The following LAMA1 variants were observed in gnomAD, a reference collection of about 807,000 sequenced individuals.
LAMA1 encodes the protein laminin subunit alpha 1, also known as laminin subunit alpha-1.
In LAMA1, 219 loss-of-function variants were observed where a neutral mutation model predicts 348.7. That is an observed-to-expected ratio of 0.63 (90% confidence interval 0.56 to 0.70). The LOEUF (loss-of-function observed/expected upper bound fraction) is 0.70. Among genes scored for constraint, LAMA1 ranks in the 30% least tolerant of loss-of-function variants. The pLI is 0.00. For missense variants in LAMA1, 3,744 were observed against 3,888.0 expected, an observed-to-expected ratio of 0.96 and a Z score of 0.99; for synonymous variants, 1,487 against 1,491.0, an observed-to-expected ratio of 1.00 and a Z score of 0.06.
At chr18:6,966,927 T>C (rs969569888) in intron 48 of LAMA1, among the ~76,000 whole-genome samples, 2 of 152,208 alleles carry the variant, frequency 1.3e-5, no homozygotes, top group Non-Finnish European at 2.9e-5. Flanking sequence ...AGCAAAAGGC[T>C]GACTTGACTC....
At chr18:7,006,520 C>A (rs1165488357) in intron 29 of LAMA1, among the ~76,000 whole-genome samples, 1 of 152,172 alleles carries the variant, frequency 6.6e-6, no homozygotes, top group Non-Finnish European at 1.5e-5. Flanking sequence ...GCAACCAGTA[C>A]TGCAATTAAA....
intron 3 of LAMA1, among the ~76,000 whole-genome samples, chr18:7,060,578 A>C (rs1374076798): frequency 6.6e-6 from 1 of 152,218 alleles, no homozygotes; most frequent in Non-Finnish European, 1.5e-5. Flanking sequence ...CTCCCTTCAG[A>C]ACCATGCTGA....
chr18:7,037,594 G>C lies in LAMA1; in HGVS notation c.1721C>G (p.Ala574Gly), dbSNP rs149575964. ...APKYYWAAPE[A>G]YLGNKLTAFG... ...CACACGCACCTTATTTCCAAGGTAGGCCTCGGGGGCTGCCCAGTAGTACTT... is the reference window on the plus strand; with the variant it reads ...CACACGCACCTTATTTCCAAGGTAGCCCTCGGGGGCTGCCCAGTAGTACTT... The change falls in exon 12 of 63, where the codon GCC (alanine) becomes GGC (glycine). Residue 574 changes from alanine to glycine, a missense_variant. By Grantham distance (60) the Ala-to-Gly change is moderately conservative. This residue lies in a region of LAMA1 where 1,529 missense variants were observed against 1,689.4 expected (regional missense o/e 0.91). Coordinates refer to ENST00000389658, the MANE Select transcript of LAMA1 (RefSeq NM_005559.4). 6.2e-7 allele frequency: 1 copy of C among 1,613,982 alleles called. No individual in the cohort carries two copies. The highest frequency in any genetic ancestry group is 1.3e-5 in the African/African-American group (1 of 74,980).
intron 11 of LAMA1, 139 bp downstream of exon 11, chr18:7,038,671 G>A: frequency 1.7e-6 from 2 of 1,172,886 alleles, no homozygotes; most frequent in Non-Finnish European, 2.5e-6. Flanking sequence ...GGCTGCCTTT[G>A]ACCCACGTCA....
rs147153419 is a variant in LAMA1, at chr18:6,974,841, G to A, written c.6623+62C>T. 1.6e-3 allele frequency: 2,552 copies of A among 1,590,496 alleles called. 15 individuals carry two copies. Among genetic ancestry groups the A allele is most frequent in the East Asian group, 0.012 (532 of 44,736 alleles). On this transcript the variant is annotated intron_variant, in intron 46 of 62. Coordinates refer to ENST00000389658, the MANE Select transcript of LAMA1 (RefSeq NM_005559.4). ...GCCTATTATATGATGTTACAAGCAT[G>A]TAATTACTTATGAGACACACTTTAA...
intron 1 of LAMA1, among the ~76,000 whole-genome samples, chr18:7,111,151 G>A (rs1266014520): frequency 6.6e-6 from 1 of 152,062 alleles, no homozygotes; most frequent in Non-Finnish European, 1.5e-5. Flanking sequence ...ACTGCCTGCT[G>A]GGCCAGCAGA....
At chr18:7,099,531 C>T (rs1426467505) in intron 1 of LAMA1, among the ~76,000 whole-genome samples, 2 of 148,600 alleles carry the variant, frequency 1.3e-5, no homozygotes, top group East Asian at 3.9e-4. Flanking sequence ...CCTTACCATA[C>T]ACAAAAGCTA....
intron 48 of LAMA1, among the ~76,000 whole-genome samples, chr18:6,971,221 G>T (rs867773173): frequency 2.7e-5 from 4 of 150,812 alleles, no homozygotes; most frequent in African/African-American, 9.8e-5. Context: ...ATAATGGGTT[G>T]GGGGGGAAGA....
chr18:7,008,988 G>C (rs970011719), intron 27 of LAMA1, among the ~76,000 whole-genome samples: 1 of 151,784 alleles, frequency 6.6e-6, no homozygotes. Flanking sequence ...TGTTTTTTTT[G>C]CATTTTATCT....
In LAMA1 at chr18:6,964,659, T is replaced by A. The variant is rs369875051; in HGVS notation, c.7337+3A>T. On this transcript the variant is annotated splice_donor_region_variant and intron_variant, in intron 51 of 62. Transcript: ENST00000389658. ...GACATGAAAATTCTGCAGTTTAATATACCTTACAACTCTTGACCTTGGTAA... is the reference window on the plus strand; with the variant it reads ...GACATGAAAATTCTGCAGTTTAATAAACCTTACAACTCTTGACCTTGGTAA... 4.2e-5 allele frequency: 67 copies of A among 1,614,058 alleles called. No homozygotes were observed. The highest frequency in any genetic ancestry group is 5.6e-5 in the Non-Finnish European group (66 of 1,180,018).
chr18:7,108,000 C>T (rs1488937379), intron 1 of LAMA1, among the ~76,000 whole-genome samples: 3 of 147,298 alleles, frequency 2.0e-5, no homozygotes, highest in Admixed American at 1.4e-4. Context: ...GGCGACAGAG[C>T]GAGACTCCGT....
At chr18:6,983,603 A>G (rs374953560) in intron 39 of LAMA1, among the ~76,000 whole-genome samples, 88 of 152,290 alleles carry the variant, frequency 5.8e-4, no homozygotes, top group African/African-American at 2.0e-3. Flanking sequence ...TTGGTTATAA[A>G]CTTCCTGCAA....
At position 7,015,838 on chromosome 18, in the gene LAMA1, G is replaced by C; in HGVS notation, c.3010C>G (p.Gln1004Glu). 6.2e-7 allele frequency: 1 copy of C among 1,614,186 alleles called. No homozygotes were observed. The highest frequency in any genetic ancestry group is 8.5e-7 in the Non-Finnish European group (1 of 1,180,038). Residue 1004 changes from glutamine (Q) to glutamate (E), a missense_variant, in exon 22 of 63, where the codon CAG (glutamine) becomes GAG (glutamate). By Grantham distance (29) the Gln-to-Glu change is conservative. Around this residue, in one of 3 missense-constraint regions of LAMA1, gnomAD observed 1,529 missense variants for 1,689.4 expected, o/e 0.91. Coordinates refer to ENST00000389658, the MANE Select transcript of LAMA1 (RefSeq NM_005559.4). ...SCTPCDCPHT[Q>E]NTCDPETGEC... The stretch of plus-strand genomic sequence containing the variant: ...CCAGTTTCTGGGTCGCAGGTATTCT[G>C]AGTGTGTGGGCAGTCACAGGCTGAA...
At chr18:7,095,677 G>A (rs1477643987) in intron 1 of LAMA1, among the ~76,000 whole-genome samples, 2 of 152,220 alleles carry the variant, frequency 1.3e-5, no homozygotes, top group African/African-American at 2.4e-5. Flanking sequence ...AATTCCCACG[G>A]AATTCTCCTT....
At chr18:7,053,247 A>G (rs543038791) in intron 3 of LAMA1, among the ~76,000 whole-genome samples, 4 of 152,296 alleles carry the variant, frequency 2.6e-5, no homozygotes, top group South Asian at 4.1e-4. Flanking sequence ...ACCCTGTATG[A>G]TACTCTAATG....
chr18:7,032,252 T>C (rs1479198134), intron 15 of LAMA1, 76 bp from the exon 16 acceptor site: 1 of 937,564 alleles, frequency 1.1e-6, no homozygotes, highest in Non-Finnish European at 1.7e-6. Context: ...AGTACAGAAA[T>C]GTCTTTTTTC....
rs185086681 is a variant in LAMA1 at position 6,985,595 on chromosome 18, T to A, written c.5428A>T (p.Ile1810Phe). ...TCTATCAATCCTCTTCCTTGGACAA[T>A]GAGCTCTGAGGTCAGATTTTGTTCT... ...QEEQNLTSEL[I>F]VQGRGLIDAA... The change falls in exon 38 of 63, where the codon ATT becomes TTT. Residue 1810 changes from isoleucine (I) to phenylalanine (F), a missense_variant. Transcript: ENST00000389658. 2 of 1,614,162 alleles carry A rather than the reference T, an allele frequency of 1.2e-6. No individual in the cohort carries two copies. Among genetic ancestry groups the A allele is most frequent in the African/African-American group, 2.7e-5 (2 of 75,050 alleles).
rs892809022 is a variant in LAMA1, at chr18:6,979,772, G to T, written c.6007+749C>A. On this transcript the variant is annotated intron_variant, in intron 42 of 62. Transcript: ENST00000389658. ...AAATTAGCCGGGGACGGTGGCGGGCGCCTGTAGTCCCAGCTACTCGGGAGG... is the reference window on the plus strand; with the variant it reads ...AAATTAGCCGGGGACGGTGGCGGGCTCCTGTAGTCCCAGCTACTCGGGAGG... Among the ~76,000 whole-genome samples the T allele has an allele frequency of 2.0e-5, 3 of 151,946 alleles. No homozygotes were observed. The East Asian group carries it at 5.8e-4, about 30-fold the overall frequency.
chr18:6,943,558 T>A (rs981878908), intron 61 of LAMA1, among the ~76,000 whole-genome samples, 156 bp from the exon 62 acceptor site: 2 of 152,114 alleles, frequency 1.3e-5, no homozygotes, highest in African/African-American at 4.8e-5. Flanking sequence ...TTTAAAGGAT[T>A]CAGATGATGG....
Sources: gnomAD v4.1 joint callset for allele counts (sites outside exome capture counted in the v4.1 genomes callset) on GRCh38, gnomAD v4.1.1 for gene constraint, gnomAD v4.1.1 regional missense constraint, MANE v1.5 for transcripts, NCBI Gene and HGNC (gene_info 2026-07-23, HGNC 2026-07-21) for gene names.